Variants in ICAM2 observed in about 807,000 individuals in gnomAD.
The protein encoded by ICAM2 is intercellular adhesion molecule 2.
ICAM2 carries 14 observed loss-of-function variants against 19.1 expected under a neutral mutation model. The observed-to-expected ratio is 0.73, with a 90% CI of 0.48 to 1.15. The LOEUF (loss-of-function observed/expected upper bound fraction) is 1.15, where lower values mean the gene tolerates loss of function less well. Among genes scored for constraint, ICAM2 ranks in the 50% most tolerant of loss-of-function variants. ICAM2 has a pLI of 0.00. For synonymous variants in ICAM2, 153 were observed against 152.7 expected, an observed-to-expected ratio of 1.00 and a Z score of -0.01; for missense variants, 311 against 355.4, an observed-to-expected ratio of 0.88 and a Z score of 1.00.
At chr17:64,016,693 A>G (rs1229204826) in intron 1 of ICAM2, among the ~76,000 whole-genome samples, 1 of 151,804 alleles carries the variant, frequency 6.6e-6, no homozygotes, top group Non-Finnish European at 1.5e-5. Flanking sequence ...AACATCAGTC[A>G]CCCTCCTTTA....
chr17:64,014,508 G>GGA (rs1228021356), intron 1 of ICAM2, among the ~76,000 whole-genome samples: 2 of 127,068 alleles, frequency 1.6e-5, no homozygotes, highest in African/African-American at 6.2e-5. Context: ...AGGAAGGAAG[G>GGA]GAGAGAGAGA....
At position 64,003,846 on chromosome 17, in the gene ICAM2, C is replaced by G; in HGVS notation, c.447G>C (p.Leu149=). The part of the protein sequence containing the change: ...VEPLDSLTLF[L]FRGNETLHYE... ...AGTGCAGAGTCTCATTGCCACGGAA[C>G]AGGAAGAGGGTGAGGCTGTCCAGGG... is the stretch of plus-strand genomic sequence containing the variant. Residue 149 remains leucine, a synonymous_variant, in exon 4 of 5, where the codon CTG becomes CTC. Transcript: ENST00000579788. 1 of 1,614,226 alleles carries G rather than the reference C, an allele frequency of 6.2e-7. No homozygotes were observed. The highest frequency in any genetic ancestry group is 8.5e-7 in the Non-Finnish European group (1 of 1,180,050).
intron 1 of ICAM2, among the ~76,000 whole-genome samples, chr17:64,017,138 A>AAAGG (rs1203689820): frequency 2.6e-5 from 4 of 152,178 alleles, no homozygotes; most frequent in African/African-American, 4.8e-5. Flanking sequence ...CAGTAAAAGG[A>AAAGG]AAGGAAGGAA....
At chr17:64,013,346 C>A (rs2143229975) in intron 1 of ICAM2, among the ~76,000 whole-genome samples, 1 of 151,888 alleles carries the variant, frequency 6.6e-6, no homozygotes, top group Admixed American at 6.6e-5. Flanking sequence ...AATACAAATA[C>A]AAAAATTAGC....
intron 1 of ICAM2, among the ~76,000 whole-genome samples, chr17:64,010,410 G>T (rs1474914688): frequency 2.0e-5 from 3 of 152,120 alleles, no homozygotes; most frequent in African/African-American, 7.2e-5. Flanking sequence ...TGGAAAACGT[G>T]AGAGAATTTT....
intron 1 of ICAM2, among the ~76,000 whole-genome samples, chr17:64,014,403 G>A: frequency 1.7e-5 from 1 of 60,394 alleles, no homozygotes; most frequent in Non-Finnish European, 3.5e-5. Context: ...AAGGAAGGAA[G>A]GAAGAGAAAG....
intron 3 of ICAM2, 118 bp from the exon 4 acceptor site, chr17:64,004,082 T>C: frequency 1.3e-6 from 1 of 753,812 alleles, no homozygotes; most frequent in Non-Finnish European, 2.1e-6. Context: ...GGAGGTGGCC[T>C]GGCCGGCTCC....
At chr17:64,018,875 C>T (rs1310082276) in intron 1 of ICAM2, among the ~76,000 whole-genome samples, 1 of 151,854 alleles carries the variant, frequency 6.6e-6, no homozygotes, top group African/African-American at 2.4e-5. Flanking sequence ...GCGTACGCCA[C>T]CACACCCAGC....
intron 1 of ICAM2, among the ~76,000 whole-genome samples, chr17:64,017,150 G>A (rs1911746979): frequency 6.6e-6 from 1 of 152,162 alleles, no homozygotes; most frequent in South Asian, 2.1e-4. Flanking sequence ...AGGAAGGAAG[G>A]AAGGAAAGGC....
chr17:64,011,625 A>G (rs1345525394), intron 1 of ICAM2, among the ~76,000 whole-genome samples: 3 of 152,096 alleles, frequency 2.0e-5, no homozygotes, highest in Non-Finnish European at 4.4e-5. Context: ...ACAGCTGGGC[A>G]TGATGGCTCA....
At chr17:64,003,152 T>C in intron 4 of ICAM2, 1 of 544,690 alleles carries the variant, frequency 1.8e-6, no homozygotes, top group Non-Finnish European at 3.3e-6. Flanking sequence ...GACTTCTGTG[T>C]GGCTGTGAGG....
At chr17:64,015,563 A>T (rs1911688026) in intron 1 of ICAM2, among the ~76,000 whole-genome samples, 1 of 152,106 alleles carries the variant, frequency 6.6e-6, no homozygotes, top group South Asian at 2.1e-4. Context: ...AACATGACAA[A>T]ACCCCATCTC....
At chr17:64,014,883 C>T (rs1183952574) in intron 1 of ICAM2, among the ~76,000 whole-genome samples, 1 of 151,874 alleles carries the variant, frequency 6.6e-6, no homozygotes, top group African/African-American at 2.4e-5. Context: ...TGAGACCAGC[C>T]TGGGCAACAT....
At chr17:64,018,615 A>T (rs897903386) in intron 1 of ICAM2, among the ~76,000 whole-genome samples, 11 of 151,798 alleles carry the variant, frequency 7.2e-5, no homozygotes, top group Admixed American at 2.0e-4. Flanking sequence ...TTGTAAACGG[A>T]ATATTCTTAT....
Position 64,005,315 on chromosome 17 carries a change from G to A in ICAM2, c.120C>T (p.Pro40=). The A allele has an allele frequency of 6.2e-7, 1 of 1,614,074 alleles. No homozygotes were observed. Among genetic ancestry groups the A allele is most frequent in the Non-Finnish European group, 8.5e-7 (1 of 1,179,976 alleles). ...HVRPKKLAVE[P]KGSLEVNCST... ...TGCAGTTGACCTCGAGGGACCCTTT[G>A]GGCTCAACCGCCAGCTTCTTTGGCC... Residue 40 remains proline (P), a synonymous_variant, in exon 3 of 5, where the codon CCC becomes CCT. Transcript: ENST00000579788.
At chr17:64,007,173 C>G (rs563500772) in intron 1 of ICAM2, among the ~76,000 whole-genome samples, 4 of 152,364 alleles carry the variant, frequency 2.6e-5, no homozygotes, top group Admixed American at 1.3e-4. Context: ...TCTAAGGAAG[C>G]CTGGAGGGCA....
chr17:64,008,345 G>A (rs1265900721), intron 1 of ICAM2, among the ~76,000 whole-genome samples: 4 of 152,200 alleles, frequency 2.6e-5, no homozygotes, highest in Non-Finnish European at 4.4e-5. Context: ...CAGGGGCTGG[G>A]ACAGAAGGGT....
chr17:64,003,453 T>C (rs1598014595), intron 4 of ICAM2, 191 bp downstream of exon 4: 2 of 611,278 alleles, frequency 3.3e-6, no homozygotes, highest in East Asian at 5.6e-5. Context: ...TCTCCCGACC[T>C]CTGGAGCAGT....
Position 64,003,940 on chromosome 17 carries a change from G to A in ICAM2, c.353C>T (p.Thr118Ile). ...VYQPPRQVIL[T>I]LQPTLVAVGK... ...CACAGCCACCAAAGTGGGTTGCAGT[G>A]TCAGGATGACCTGCCTTGGAGGCTC... is the stretch of plus-strand genomic sequence containing the variant. The change falls in exon 4 of 5, where the codon ACA (threonine) becomes ATA (isoleucine). Residue 118 changes from threonine to isoleucine, a missense_variant. Transcript: ENST00000579788. The A allele has an allele frequency of 6.2e-7, 1 of 1,613,428 alleles. No homozygotes were observed. Among genetic ancestry groups the A allele is most frequent in the Non-Finnish European group, 8.5e-7 (1 of 1,179,682 alleles).
Sources: gnomAD v4.1 joint callset for allele counts (sites outside exome capture counted in the v4.1 genomes callset) on GRCh38, gnomAD v4.1.1 for gene constraint, MANE v1.5 for transcripts, NCBI Gene and HGNC (gene_info 2026-07-23, HGNC 2026-07-21) for gene names.